SRPK2: variants seen among roughly 807,000 people sequenced by gnomAD.
The protein encoded by SRPK2 is SFRS protein kinase 2.
A neutral mutation model predicts 90.8 loss-of-function variants in SRPK2; 21 were observed. The observed-to-expected ratio is 0.23, with a 90% CI of 0.16 to 0.33. The LOEUF (loss-of-function observed/expected upper bound fraction) is 0.33. Among genes scored for constraint, SRPK2 ranks in the 10% least tolerant of loss-of-function variants. SRPK2 has a pLI of 1.00. For synonymous variants in SRPK2, 288 were observed against 311.1 expected (o/e 0.93, Z 0.78); for missense variants, 620 against 869.0 (o/e 0.71, Z 3.60).
At chr7:105,177,492 A>C (rs1361996083) in intron 3 of SRPK2, among the ~76,000 whole-genome samples, 1 of 152,202 alleles carries the variant, frequency 6.6e-6, no homozygotes, top group Non-Finnish European at 1.5e-5. Flanking sequence ...CAAATAGGTA[A>C]ATGTCATTTA....
In SRPK2 at chr7:105,335,014, C is replaced by T. The variant is rs1297902960; in HGVS notation, c.71+53634G>A. ...TGAAACCCCGTCTCTACTACAAATACAAAAAAATTAGCCAGGTGTGGTGGC... is the reference window on the plus strand; with the variant it reads ...TGAAACCCCGTCTCTACTACAAATATAAAAAAATTAGCCAGGTGTGGTGGC... On this transcript the variant is annotated intron_variant, in intron 2 of 15. Transcript: ENST00000393651. 2.7e-5 allele frequency among the ~76,000 whole-genome samples: 4 copies of T among 150,790 alleles called. No homozygotes were observed. The East Asian group carries it at 7.8e-4, about 29-fold the overall frequency.
intron 2 of SRPK2, among the ~76,000 whole-genome samples, chr7:105,328,839 T>C (rs1233996673): frequency 1.4e-5 from 2 of 142,104 alleles, no homozygotes; most frequent in African/African-American, 2.7e-5. Flanking sequence ...CACTCCAGCC[T>C]GGGTGACAGA....
At chr7:105,324,010 T>TGTGTGTGTGTGG (rs950960322) in intron 2 of SRPK2, among the ~76,000 whole-genome samples, 47 of 148,972 alleles carry the variant, frequency 3.2e-4, no homozygotes, top group African/African-American at 1.1e-3. Flanking sequence ...TGTGTGTGTG[T>TGTGTGTGTGTGG]GTGTGTGGTG....
intron 3 of SRPK2, among the ~76,000 whole-genome samples, chr7:105,194,220 C>T (rs530461452): frequency 6.6e-6 from 1 of 152,094 alleles, no homozygotes; most frequent in Non-Finnish European, 1.5e-5. Flanking sequence ...ACAGTTTTAA[C>T]TTTATATTTA....
intron 2 of SRPK2, among the ~76,000 whole-genome samples, chr7:105,214,423 C>G (rs1479581721): frequency 6.6e-6 from 1 of 152,140 alleles, no homozygotes; most frequent in Non-Finnish European, 1.5e-5. Context: ...ATATCTGATA[C>G]CCTGCAGCTC....
At chr7:105,308,834 G>A (rs996784955) in intron 2 of SRPK2, among the ~76,000 whole-genome samples, 1 of 152,098 alleles carries the variant, frequency 6.6e-6, no homozygotes, top group Non-Finnish European at 1.5e-5. Flanking sequence ...AAAACTCCAC[G>A]AAAACTAAAC....
In SRPK2 at chr7:105,228,353, C is replaced by T. The variant is rs1285024626; in HGVS notation, c.72-24568G>A. ...TGGAAGCTTTATAAAGAAAGCACAT[C>T]AACTCAACTTTCTGAAATTACATTT... On this transcript the variant is annotated intron_variant, in intron 2 of 15. Transcript: ENST00000393651. 2.6e-5 allele frequency among the ~76,000 whole-genome samples: 4 copies of T among 152,160 alleles called. No homozygotes were observed. The East Asian group carries it at 5.8e-4, about 22-fold the overall frequency.
chr7:105,152,409 C>A (rs1478583695), intron 7 of SRPK2, among the ~76,000 whole-genome samples: 1 of 152,158 alleles, frequency 6.6e-6, no homozygotes, highest in Non-Finnish European at 1.5e-5. Context: ...TTCGGCCTCC[C>A]AAAGTGCTAG....
intron 3 of SRPK2, among the ~76,000 whole-genome samples, chr7:105,170,977 G>GAAAGAAAGAAAGAAAGAAAGAGAA (rs749907215): frequency 7.1e-5 from 3 of 42,210 alleles, no homozygotes; most frequent in African/African-American, 2.0e-4. Flanking sequence ...GAGAAAGAAA[G>GAAAGAAAGAAAGAAAGAAAGAGAA]AGAAAGAAAG....
At chr7:105,331,698 C>T (rs1814431383) in intron 2 of SRPK2, among the ~76,000 whole-genome samples, 1 of 152,080 alleles carries the variant, frequency 6.6e-6, no homozygotes, top group Non-Finnish European at 1.5e-5. Flanking sequence ...CTGAAATCTA[C>T]CGGAAAACAC....
intron 2 of SRPK2, among the ~76,000 whole-genome samples, chr7:105,311,700 C>T (rs1811724486): frequency 6.6e-6 from 1 of 152,128 alleles, no homozygotes; most frequent in Non-Finnish European, 1.5e-5. Context: ...TAAGTGTAGG[C>T]AAGGATGTAG....
intron 2 of SRPK2, among the ~76,000 whole-genome samples, chr7:105,331,714 A>C (rs1814434176): frequency 6.6e-6 from 1 of 152,174 alleles, no homozygotes; most frequent in Non-Finnish European, 1.5e-5. Flanking sequence ...AACACAGTAA[A>C]TAGCACAAAA....
intron 2 of SRPK2, among the ~76,000 whole-genome samples, chr7:105,245,365 T>C (rs370685803): frequency 1.3e-5 from 2 of 152,220 alleles, no homozygotes; most frequent in East Asian, 1.9e-4. Flanking sequence ...GTACACATTA[T>C]GAAGATAAGA....
chr7:105,389,063 C>A, upstream of SRPK2: 1 of 970,706 alleles, frequency 1.0e-6, no homozygotes, highest in Non-Finnish European at 1.2e-6. Flanking sequence ...GCCCCCGCCC[C>A]ACCCACCTGT....
At chr7:105,255,593 G>T (rs1473038689) in intron 2 of SRPK2, among the ~76,000 whole-genome samples, 1 of 152,084 alleles carries the variant, frequency 6.6e-6, no homozygotes, top group Non-Finnish European at 1.5e-5. Context: ...ACCATAGTGG[G>T]TACATAAATA....
At chr7:105,159,463 A>AAACAAAAAAAAAAAAAAAAAAAAAAC (rs944230531) in intron 7 of SRPK2, among the ~76,000 whole-genome samples, 1 of 146,518 alleles carries the variant, frequency 6.8e-6, no homozygotes, top group African/African-American at 2.6e-5. Context: ...AAAAAAAAAA[A>AAACAAAAAAAAAAAAAAAAAAAAAAC]AAAAAAAAAA....
intron 15 of SRPK2, chr7:105,125,906 AAC>A (rs1394973991): frequency 2.6e-6 from 3 of 1,141,016 alleles, no homozygotes; most frequent in Admixed American, 2.4e-5. Flanking sequence ...GCAAAACAGA[AAC>A]ACACGACAGT....
At chr7:105,350,047 T>G (rs1816970164) in intron 2 of SRPK2, among the ~76,000 whole-genome samples, 1 of 151,122 alleles carries the variant, frequency 6.6e-6, no homozygotes, top group Admixed American at 6.6e-5. Flanking sequence ...AAACAGTGCC[T>G]GTCTTAATAC....
At chr7:105,302,324 C>T (rs1810645730) in intron 2 of SRPK2, among the ~76,000 whole-genome samples, 1 of 152,132 alleles carries the variant, frequency 6.6e-6, no homozygotes, top group African/African-American at 2.4e-5. Context: ...CTTTATGAAG[C>T]CTCTTGAGCT....
Sources: allele counts gnomAD v4.1 joint callset (sites outside exome capture counted in the v4.1 genomes callset), GRCh38; gene constraint gnomAD v4.1.1; transcripts MANE v1.5; gene names NCBI Gene and HGNC (gene_info 2026-07-23, HGNC 2026-07-21).